Variants in GSDME observed in about 807,000 individuals in gnomAD.
GSDME encodes gasdermin-E.
A neutral mutation model predicts 47.5 loss-of-function variants in GSDME; 44 were observed. That is an observed-to-expected ratio of 0.93 (90% confidence interval 0.73 to 1.19). GSDME has a LOEUF of 1.19. Ranked by LOEUF, GSDME falls within the 50% of genes most tolerant of loss-of-function variation. GSDME has a pLI of 0.00. For missense variants in GSDME, 663 were observed against 604.2 expected (o/e 1.10, Z -1.02); for synonymous variants, 258 against 252.8 (o/e 1.02, Z -0.20).
chr7:24,710,446 A>T, intron 5 of GSDME, 58 bp from the exon 6 acceptor site: 1 of 1,579,098 alleles, frequency 6.3e-7, no homozygotes, highest in African/African-American at 1.3e-5. Context: ...TGTGCCAACA[A>T]GTCTGGACAG....
chr7:24,779,496 A>ACGG, the GSDME span, among the ~76,000 whole-genome samples: 2 of 70,708 alleles, frequency 2.8e-5, no homozygotes, highest in Admixed American at 1.5e-4. The surrounding 1 kb of genome is among the most constrained non-coding windows in gnomAD (Gnocchi z 6.0). Context: ...GAAGTGATAC[A>ACGG]TGGTGTGTGT....
the GSDME span, among the ~76,000 whole-genome samples, chr7:24,769,641 A>G: frequency 1.3e-5 from 2 of 152,138 alleles, no homozygotes; most frequent in African/African-American, 4.8e-5. Flanking sequence ...CCCCAGCCCT[A>G]TACCTCTCCA....
chr7:24,783,221 C>T, the GSDME span, among the ~76,000 whole-genome samples: 1 of 152,134 alleles, frequency 6.6e-6, no homozygotes, highest in Non-Finnish European at 1.5e-5. Context: ...TTCCCAAGAC[C>T]ACACTCTGAG....
intron 8 of GSDME, chr7:24,704,172 T>C (rs1788999518): frequency 6.6e-6 from 1 of 152,270 alleles, no homozygotes; most frequent in Non-Finnish European, 1.5e-5. Flanking sequence ...TACCTAGCAC[T>C]GCCTAAAACA....
Position 24,754,877 on chromosome 7 carries a change from C to A in GSDME, c.-20+2519G>T, listed in dbSNP as rs1041635087. Among the ~76,000 whole-genome samples, 2 of 152,198 alleles carry A rather than the reference C, an allele frequency of 1.3e-5. No individual in the cohort carries two copies. Among genetic ancestry groups the A allele is most frequent in the Admixed American group, 6.5e-5 (1 of 15,286 alleles). ...TTCTTAAAAGCAGCTCTGGTTGAAC[C>A]CTGGGCCTCTGCCTGAAGAGTTCTA... On this transcript the variant is annotated intron_variant, in intron 1 of 9. Coordinates refer to ENST00000645220, the MANE Select transcript of GSDME (RefSeq NM_001127453.2). This position sits in a 1 kb window ranked among gnomAD's most constrained non-coding sequence, Gnocchi z 5.0.
Position 24,719,118 on chromosome 7 carries a change from C to T in GSDME, c.505G>A (p.Val169Met). 2.5e-6 allele frequency: 4 copies of T among 1,613,924 alleles called. No individual in the cohort carries two copies. Among genetic ancestry groups the T allele is most frequent in the Non-Finnish European group, 3.4e-6 (4 of 1,180,044 alleles). The change falls in exon 4 of 10, where the codon GTG (valine) becomes ATG (methionine). Residue 169 changes from valine to methionine, a missense_variant. Val to Met is a conservative substitution (Grantham distance 21). Coordinates refer to ENST00000645220, the MANE Select transcript of GSDME (RefSeq NM_001127453.2). ...TCGACCTGCATGTGCTCAGAGATCA[C>T]ACACTTCTGCATCGTCGTGATCTTC... is the stretch of plus-strand genomic sequence containing the variant. ...TQKITTMQKC[V>M]ISEHMQVEEK...
rs1318537785 is a variant in GSDME at position 24,699,146 on chromosome 7, A to C, written c.1371T>G (p.Ile457Met). The C allele has an allele frequency of 2.5e-6, 4 of 1,613,986 alleles. No homozygotes were observed. Among genetic ancestry groups the C allele is most frequent in the Non-Finnish European group, 3.4e-6 (4 of 1,179,838 alleles). The change falls in exon 10 of 10, where the codon ATT becomes ATG. Residue 457 changes from isoleucine to methionine, a missense_variant. Ile to Met is a conservative substitution (Grantham distance 10). Coordinates refer to ENST00000645220, the MANE Select transcript of GSDME (RefSeq NM_001127453.2). ...IVQRLFASAD[I>M]SLERLKSSVK... ...CAGATGACTTCAGTCTCTCCAGACT[A>C]ATGTCAGCTGAGGCAAACAAGCGCT...
In GSDME at chr7:24,744,172, T is replaced by G. The variant is rs1790575177; in HGVS notation, c.404+390A>C. 4.2e-6 allele frequency: 1 copy of G among 237,288 alleles called. No homozygotes were observed. Among genetic ancestry groups the G allele is most frequent in the African/African-American group, 2.3e-5 (1 of 43,548 alleles). The allele number at this position is 237,288 out of a possible 1,614,324, so 14.7% of individuals were successfully genotyped here. On this transcript the variant is annotated intron_variant, in intron 3 of 9. Transcript: ENST00000645220. This position sits in a 1 kb window ranked among gnomAD's most constrained non-coding sequence, Gnocchi z 4.5. Reference sequence around the variant, plus strand: ...ATTTTTGAACTTTTTTACGCGCCTCTCACTTGCTTTCTTCTTTTTTTCATC... The same window carrying G: ...ATTTTTGAACTTTTTTACGCGCCTCGCACTTGCTTTCTTCTTTTTTTCATC...
At position 24,708,202 on chromosome 7, in the gene GSDME, T is replaced by C. The variant is rs746912816; in HGVS notation, c.915A>G (p.Pro305=). 6.2e-7 allele frequency: 1 copy of C among 1,614,174 alleles called. No homozygotes were observed. The highest frequency in any genetic ancestry group is 8.5e-7 in the Non-Finnish European group (1 of 1,180,026). ...NFHPFAELPE[P]QQTALSDIFQ... is the part of the protein sequence containing the mutation. ...AGATGTCACTCAAAGCTGTCTGTTG[T>C]GGCTCAGGCAGCTCCGCAAATGGAT... Residue 305 remains proline (P), a synonymous_variant, in exon 7 of 10, where the codon CCA becomes CCG. Coordinates refer to ENST00000645220, the MANE Select transcript of GSDME (RefSeq NM_001127453.2).
At chr7:24,762,249 C>CAA (rs11436239), upstream of GSDME, among the ~76,000 whole-genome samples, 26,492 of 131,048 alleles carry the variant, frequency 0.2, 2,930 homozygotes, top group East Asian at 0.31. Context: ...AACTGTGTGT[C>CAA]AAAAAAAAAA....
chr7:24,765,642 C>T, the GSDME span, among the ~76,000 whole-genome samples: 2 of 152,236 alleles, frequency 1.3e-5, no homozygotes, highest in African/African-American at 2.4e-5. Context: ...CCCAGAGTTG[C>T]TCTGAACCTA....
In GSDME at chr7:24,712,749, T is replaced by C. The variant is rs1263129976; in HGVS notation, c.698-2361A>G. 6.6e-6 allele frequency among the ~76,000 whole-genome samples: 1 copy of C among 152,188 alleles called. No homozygotes were observed. The highest frequency in any genetic ancestry group is 1.5e-5 in the Non-Finnish European group (1 of 68,046). ...GATTAACAAGAGAGGCCAGGCACGGTGGCTCACACCTATAATCCTAACACT... is the reference window on the plus strand; with the variant it reads ...GATTAACAAGAGAGGCCAGGCACGGCGGCTCACACCTATAATCCTAACACT... On this transcript the variant is annotated intron_variant, in intron 5 of 9. Transcript: ENST00000645220. The surrounding 1 kb of genome is among the most constrained non-coding windows in gnomAD (Gnocchi z 4.4).
chr7:24,791,816 A>G, the GSDME span, among the ~76,000 whole-genome samples: 10,008 of 152,282 alleles, frequency 0.066, 572 homozygotes, highest in East Asian at 0.29. The surrounding 1 kb of genome is among the most constrained non-coding windows in gnomAD (Gnocchi z 4.8). Flanking sequence ...ACTCTTGAAA[A>G]TTCTTAAGCT....
At chr7:24,782,210 T>TC in the GSDME span, among the ~76,000 whole-genome samples, 8 of 101,058 alleles carry the variant, frequency 7.9e-5, no homozygotes, top group African/African-American at 3.1e-4. Context: ...ATGCTATCCC[T>TC]CCCCCCTCCC....
At chr7:24,743,759 C>A (rs1790561911) in intron 3 of GSDME, among the ~76,000 whole-genome samples, 1 of 152,238 alleles carries the variant, frequency 6.6e-6, no homozygotes, top group Non-Finnish European at 1.5e-5. Flanking sequence ...TCCTGCAGAG[C>A]TTTGCCCTAA....
Position 24,717,365 on chromosome 7 carries a change from T to C in GSDME, c.586A>G (p.Thr196Ala). The change falls in exon 5 of 10, where the codon ACG becomes GCG. Residue 196 changes from threonine to alanine, a missense_variant. By Grantham distance (58) the Thr-to-Ala change is moderately conservative. Transcript: ENST00000645220. ...IQTKTVQVSA[T>A]EDGNVTKDSN... Reference sequence around the variant, plus strand: ...TCCTTGGTGACATTCCCATCCTCCGTCGCTGACACCTGTGGGCAAAAGCGC... The same window carrying C: ...TCCTTGGTGACATTCCCATCCTCCGCCGCTGACACCTGTGGGCAAAAGCGC... 1 of 1,614,122 alleles carries C rather than the reference T, an allele frequency of 6.2e-7. No homozygotes were observed. The highest frequency in any genetic ancestry group is 8.5e-7 in the Non-Finnish European group (1 of 1,180,012).
chr7:24,760,654 T>C (rs927427763), upstream of GSDME, among the ~76,000 whole-genome samples: 4 of 152,228 alleles, frequency 2.6e-5, no homozygotes, highest in African/African-American at 7.2e-5. The surrounding 1 kb of genome is among the most constrained non-coding windows in gnomAD (Gnocchi z 4.2). Context: ...TTTTACCATA[T>C]TGATTGCTTC....
chr7:24,745,416 T>A lies in GSDME; in HGVS notation c.212-662A>T, dbSNP rs1350154752. Among the ~76,000 whole-genome samples the A allele has an allele frequency of 3.9e-5, 6 of 152,158 alleles. No homozygotes were observed. The highest frequency in any genetic ancestry group is 1.3e-4 in the Admixed American group (2 of 15,282). On this transcript the variant is annotated intron_variant, in intron 2 of 9. Transcript: ENST00000645220. The surrounding 1 kb of genome is among the most constrained non-coding windows in gnomAD (Gnocchi z 4.4). ...CTCCAGTCAAATTATTCCCTTCCCA[T>A]ATTTATGATTCTCTCTCTGACCTCT...
intron 2 of GSDME, among the ~76,000 whole-genome samples, chr7:24,748,843 C>T (rs753916984): frequency 2.0e-5 from 3 of 152,172 alleles, no homozygotes; most frequent in Non-Finnish European, 4.4e-5. Flanking sequence ...TTATCCCCTT[C>T]TCTGTGGCCA....
Sources: gnomAD v4.1 joint callset for allele counts (sites outside exome capture counted in the v4.1 genomes callset) on GRCh38, gnomAD v4.1.1 for gene constraint, Gnocchi (gnomAD v3.1) non-coding constraint, MANE v1.5 for transcripts, NCBI Gene and HGNC (gene_info 2026-07-23, HGNC 2026-07-21) for gene names.